Variants in RERE observed in about 807,000 individuals in gnomAD.
RERE encodes arginine-glutamic acid dipeptide repeats.
Under a neutral mutation model 146.1 loss-of-function variants are expected in RERE, and 40 were observed. That is an observed-to-expected ratio of 0.27 (90% CI 0.21 to 0.36). The LOEUF (loss-of-function observed/expected upper bound fraction) is 0.36. Ranked by LOEUF, RERE falls within the 10% of genes least tolerant of loss-of-function variation. The probability of loss-of-function intolerance (pLI) is 1.00; values close to 1 mark genes in which losing one functional copy is unlikely to be tolerated. For missense variants in RERE, 1,933 were observed against 2,138.7 expected (o/e 0.90, Z 1.90); for synonymous variants, 1,003 against 866.0 (o/e 1.16, Z -2.78).
intron 2 of RERE, among the ~76,000 whole-genome samples, chr1:8,650,660 A>C (rs938727905): frequency 1.3e-5 from 2 of 152,088 alleles, no homozygotes; most frequent in Non-Finnish European, 2.9e-5. Context: ...GCACTTTAGG[A>C]GGCCGGGGCG....
At chr1:8,681,088 T>G (rs1638954468) in intron 1 of RERE, among the ~76,000 whole-genome samples, 1 of 152,174 alleles carries the variant, frequency 6.6e-6, no homozygotes, top group Non-Finnish European at 1.5e-5. Flanking sequence ...CCTAGGCTTT[T>G]AAAACCATTC....
Position 8,758,855 on chromosome 1 carries a change from CA to C in RERE, c.-145+58304del, listed in dbSNP as rs35540947. Reference sequence around the variant, plus strand: ...AAGAAGAATTTAAGTGTCCTCACCACAAAAAAAAAAAATGTGAAGTAATACA... The same window carrying C: ...AAGAAGAATTTAAGTGTCCTCACCACAAAAAAAAAAATGTGAAGTAATACA... On this transcript the variant is annotated intron_variant, in intron 1 of 22. Coordinates refer to ENST00000400908, the MANE Select transcript of RERE (RefSeq NM_001042681.2). Among the ~76,000 whole-genome samples the C allele has an allele frequency of 8.6e-3, 1,173 of 137,008 alleles. 10 individuals carry two copies. The highest frequency in any genetic ancestry group is 0.024 in the African/African-American group (912 of 37,450). 89.9% of individuals were successfully genotyped at this position (137,008 alleles called of 152,430 possible). A position where few individuals can be genotyped will look rare whatever the true frequency, so the allele number is the denominator to read the frequency against.
At chr1:8,629,158 A>G (rs1647007425) in intron 2 of RERE, among the ~76,000 whole-genome samples, 1 of 152,204 alleles carries the variant, frequency 6.6e-6, no homozygotes, top group Non-Finnish European at 1.5e-5. Context: ...ATTACCATCA[A>G]TATCAATTAG....
chr1:8,582,787 G>A (rs1646383853), intron 4 of RERE, among the ~76,000 whole-genome samples: 1 of 152,098 alleles, frequency 6.6e-6, no homozygotes, highest in African/African-American at 2.4e-5. Flanking sequence ...CCGGGCAGGG[G>A]TAGTGGTCAC....
chr1:8,614,736 C>T (rs1171253598), intron 3 of RERE, 50 bp from the exon 4 acceptor site: 5 of 1,562,530 alleles, frequency 3.2e-6, no homozygotes, highest in African/African-American at 1.4e-5. Flanking sequence ...CCCATCATGC[C>T]CTGGTTATTA....
intron 12 of RERE, among the ~76,000 whole-genome samples, chr1:8,386,449 G>A (rs915526747): frequency 6.6e-6 from 1 of 151,112 alleles, no homozygotes; most frequent in African/African-American, 2.4e-5. Flanking sequence ...ACACAAATAA[G>A]GGTTTCCACT....
intron 4 of RERE, among the ~76,000 whole-genome samples, chr1:8,580,135 T>G (rs1646346063): frequency 6.6e-6 from 1 of 152,250 alleles, no homozygotes; most frequent in African/African-American, 2.4e-5. Flanking sequence ...ACATCATCTC[T>G]TCTTTGAAAT....
At chr1:8,441,241 G>A (rs953123559) in intron 11 of RERE, among the ~76,000 whole-genome samples, 5 of 152,132 alleles carry the variant, frequency 3.3e-5, no homozygotes, top group African/African-American at 1.2e-4. Context: ...AGATGTGTAA[G>A]ACCATAGTCC....
chr1:8,434,091 T>C (rs1408383896), intron 11 of RERE, among the ~76,000 whole-genome samples: 1 of 152,186 alleles, frequency 6.6e-6, no homozygotes. Flanking sequence ...AATGGACAGC[T>C]CCTGGTTTAA....
intron 1 of RERE, among the ~76,000 whole-genome samples, chr1:8,756,704 A>AAT (rs1640645501): frequency 6.6e-6 from 1 of 152,230 alleles, no homozygotes. Context: ...GATCACTTTA[A>AAT]CTTTAGAATG....
chr1:8,358,208 G>T lies in RERE; in HGVS notation c.4327C>A (p.Pro1443Thr), dbSNP rs1349845013. The change falls in exon 20 of 23, where the codon CCC becomes ACC. Residue 1443 changes from proline (P) to threonine (T), a missense_variant. Pro to Thr is a conservative substitution (Grantham distance 38). This residue lies in a region of RERE where 133 missense variants were observed against 168.6 expected (regional missense o/e 0.79). Transcript: ENST00000400908. ...HSHLHLHQQD[P>T]LHQGSAGPVH... The stretch of plus-strand genomic sequence containing the variant: ...CTGGGGCACGCACCTTGGTGGAGGG[G>T]GTCCTGCTGGTGGAGGTGGAGGTGG... 6.3e-7 allele frequency: 1 copy of T among 1,593,418 alleles called. No individual in the cohort carries two copies. The highest frequency in any genetic ancestry group is 1.7e-5 in the Admixed American group (1 of 59,546).
chr1:8,697,851 G>C (rs977522908), intron 1 of RERE, among the ~76,000 whole-genome samples: 3 of 152,006 alleles, frequency 2.0e-5, no homozygotes, highest in Admixed American at 2.0e-4. Flanking sequence ...AAAAGAACTT[G>C]TATTAAATCT....
chr1:8,586,410 T>C (rs1646428852), intron 4 of RERE, among the ~76,000 whole-genome samples: 1 of 152,246 alleles, frequency 6.6e-6, no homozygotes, highest in African/African-American at 2.4e-5. Context: ...TAATTACACA[T>C]TATAATTCAT....
At chr1:8,444,429 T>G (rs1377509092) in intron 11 of RERE, among the ~76,000 whole-genome samples, 1 of 152,206 alleles carries the variant, frequency 6.6e-6, no homozygotes, top group Non-Finnish European at 1.5e-5. Flanking sequence ...GGGACTTGCC[T>G]TGTCTCAGAT....
chr1:8,601,208 G>C (rs970060682), intron 4 of RERE, among the ~76,000 whole-genome samples: 3 of 151,614 alleles, frequency 2.0e-5, no homozygotes, highest in Admixed American at 2.0e-4. Context: ...AGTAGAGATG[G>C]GGTTTCACCA....
intron 1 of RERE, among the ~76,000 whole-genome samples, chr1:8,685,127 G>T (rs892266881): frequency 1.3e-5 from 2 of 152,092 alleles, no homozygotes; most frequent in African/African-American, 2.4e-5. Flanking sequence ...CAAAGCACTG[G>T]GATTATAGGA....
At position 8,354,625 on chromosome 1, in the gene RERE, A is replaced by AT. The variant is rs61055963; in HGVS notation, c.*461dup. 65 of 152,376 alleles carry AT rather than the reference A, an allele frequency of 4.3e-4. No individual in the cohort carries two copies. The highest frequency in any genetic ancestry group is 3.1e-3 in the Middle Eastern group (1 of 318). The allele number at this position is 152,376 out of a possible 1,614,324, so 9.4% of individuals were successfully genotyped here. Reference sequence around the variant, plus strand: ...TTCCTACAATGTATTAAAATAAAAGATTTTTTTTTTTAAAAATTATAGCTC... The same window carrying AT: ...TTCCTACAATGTATTAAAATAAAAGATTTTTTTTTTTTAAAAATTATAGCTC... On this transcript the variant is annotated 3_prime_UTR_variant, in exon 23 of 23. Coordinates refer to ENST00000400908, the MANE Select transcript of RERE (RefSeq NM_001042681.2).
intron 1 of RERE, among the ~76,000 whole-genome samples, chr1:8,768,526 C>T (rs1000377635): frequency 3.3e-5 from 5 of 152,204 alleles, no homozygotes; most frequent in Non-Finnish European, 1.5e-5. Flanking sequence ...CATGTAGCCA[C>T]TGAACACTTG....
At chr1:8,569,438 G>A (rs1205636766) in intron 4 of RERE, among the ~76,000 whole-genome samples, 1 of 152,162 alleles carries the variant, frequency 6.6e-6, no homozygotes, top group Non-Finnish European at 1.5e-5. Context: ...CAATGGTGGG[G>A]TCAGACTTTG....
Sources: allele counts gnomAD v4.1 joint callset (sites outside exome capture counted in the v4.1 genomes callset), GRCh38; gene constraint gnomAD v4.1.1; regional missense constraint gnomAD v4.1.1; transcripts MANE v1.5; gene names NCBI Gene and HGNC (gene_info 2026-07-23, HGNC 2026-07-21).